Variants in AGRN observed in about 807,000 individuals in gnomAD.
The protein encoded by AGRN is agrin proteoglycan.
A neutral mutation model predicts 211.0 loss-of-function variants in AGRN; 106 were observed. That is an observed-to-expected ratio of 0.50 (90% CI 0.43 to 0.59). The LOEUF is 0.59. Ranked by LOEUF, AGRN falls within the 20% of genes least tolerant of loss-of-function variation. The probability of loss-of-function intolerance (pLI) is 0.00; values close to 1 mark genes in which losing one functional copy is unlikely to be tolerated. For synonymous variants in AGRN, 1,525 were observed against 1,332.5 expected, an observed-to-expected ratio of 1.14 and a Z score of -3.15; for missense variants, 3,040 against 2,982.6, an observed-to-expected ratio of 1.02 and a Z score of -0.45.
chr1:1,043,595 T>C lies in AGRN; in HGVS notation c.1661T>C (p.Val554Ala), dbSNP rs1184357124. 1.2e-6 allele frequency: 2 copies of C among 1,604,978 alleles called. No homozygotes were observed. The highest frequency in any genetic ancestry group is 2.7e-5 in the African/African-American group (2 of 75,020). Residue 554 changes from valine (V) to alanine (A), a missense_variant, in exon 9 of 36, where the codon GTG becomes GCG. Transcript: ENST00000379370. ...ALCEAETGRCVCPSECVALAQ... is the reference protein window; with the variant it reads ...ALCEAETGRCACPSECVALAQ... Reference sequence around the variant, plus strand: ...TGCGAGGCCGAGACCGGGCGCTGCGTGTGCCCCTCTGAATGCGTGGCTTTG... The same window carrying C: ...TGCGAGGCCGAGACCGGGCGCTGCGCGTGCCCCTCTGAATGCGTGGCTTTG...
In AGRN at chr1:1,043,341, G is replaced by A. The variant is rs1279499543; in HGVS notation, c.1487G>A (p.Ser496Asn). Residue 496 changes from serine (S) to asparagine (N), a missense_variant, in exon 8 of 36, where the codon AGC (serine) becomes AAC (asparagine). By Grantham distance (46) the Ser-to-Asn change is conservative. Transcript: ENST00000379370. ...TGTGAATGCCTGCAGGCGTGCTCGAGCCTCTACGATCCTGTGTGCGGCAGC... is the reference window on the plus strand; with the variant it reads ...TGTGAATGCCTGCAGGCGTGCTCGAACCTCTACGATCCTGTGTGCGGCAGC... ...AACECLQACS[S>N]LYDPVCGSDG... is the part of the protein sequence containing the mutation. The A allele has an allele frequency of 6.2e-6, 10 of 1,610,484 alleles. No homozygotes were observed. The highest frequency in any genetic ancestry group is 7.6e-6 in the Non-Finnish European group (9 of 1,179,154).
In AGRN at chr1:1,050,501, C is replaced by T. The variant is rs779378422; in HGVS notation, c.5051C>T (p.Thr1684Met). 32 of 1,612,792 alleles carry T rather than the reference C, an allele frequency of 2.0e-5. No homozygotes were observed. The highest frequency in any genetic ancestry group is 1.1e-4 in the African/African-American group (8 of 74,882). Reference sequence around the variant, plus strand: ...CTCCTGCTCTACAACGGGCAGAAGACGGACGGCAAGGGGGACTTCGTGTCG... The same window carrying T: ...CTCCTGCTCTACAACGGGCAGAAGATGGACGGCAAGGGGGACTTCGTGTCG... ...SGLLLYNGQK[T>M]DGKGDFVSLA... Residue 1684 changes from threonine (T) to methionine (M), a missense_variant, in exon 29 of 36, where the codon ACG becomes ATG. Coordinates refer to ENST00000379370, the MANE Select transcript of AGRN (RefSeq NM_198576.4).
rs564635058 is a variant in AGRN at position 1,048,185 on chromosome 1, C to T, written c.3925C>T (p.Arg1309Trp). ...GACCACGGCAGCCCCCACCACACGTCGGCCCCCCACCACTGCCCCCAGCCG... is the reference window on the plus strand; with the variant it reads ...GACCACGGCAGCCCCCACCACACGTTGGCCCCCCACCACTGCCCCCAGCCG... ...AKTTAAPTTR[R>W]PPTTAPSRVP... The change falls in exon 23 of 36, where the codon CGG becomes TGG. Residue 1309 changes from arginine to tryptophan, a missense_variant. By Grantham distance (101) the Arg-to-Trp change is moderately radical (BLOSUM62 -3). This residue lies in a region of AGRN where 1,537 missense variants were observed against 1,505.0 expected (regional missense o/e 1.02). Coordinates refer to ENST00000379370, the MANE Select transcript of AGRN (RefSeq NM_198576.4). This position sits in a 1 kb window ranked among gnomAD's most constrained non-coding sequence, Gnocchi z 5.9. 5.4e-5 allele frequency: 85 copies of T among 1,569,744 alleles called. No homozygotes were observed. The South Asian group carries it at 7.8e-4, about 14-fold the overall frequency.
intron 3 of AGRN, among the ~76,000 whole-genome samples, chr1:1,040,102 C>T (rs941024718): frequency 6.6e-6 from 1 of 152,210 alleles, no homozygotes; most frequent in Non-Finnish European, 1.5e-5. Context: ...GGCTCTCAGG[C>T]CCCTGAGGGC....
chr1:1,030,397 T>C (rs909224723), intron 2 of AGRN, among the ~76,000 whole-genome samples: 110 of 42,624 alleles, frequency 2.6e-3, no homozygotes, highest in East Asian at 0.015. Context: ...GTGTGTGCAG[T>C]GCATGGTGCT....
At chr1:1,026,907 A>C (rs1644532377) in intron 2 of AGRN, among the ~76,000 whole-genome samples, 1 of 152,206 alleles carries the variant, frequency 6.6e-6, no homozygotes, top group Admixed American at 6.5e-5. Flanking sequence ...TGGGAGCTGC[A>C]CTGGGGCTCA....
intron 7 of AGRN, 117 bp downstream of exon 7, chr1:1,042,279 G>C (rs1442568822): frequency 7.8e-7 from 1 of 1,276,546 alleles, no homozygotes; most frequent in Admixed American, 2.3e-5. Context: ...GGAGTGGGCC[G>C]GTCCCTCTGG....
At chr1:1,035,415 G>A in intron 3 of AGRN, 91 bp downstream of exon 3, 9 of 1,522,484 alleles carry the variant, frequency 5.9e-6, no homozygotes, top group Admixed American at 1.7e-5. Context: ...GACGTGTGGA[G>A]TGTGTCTGGA....
intron 7 of AGRN, 40 bp from the exon 8 acceptor site, chr1:1,043,199 G>A (rs375081195): frequency 1.9e-6 from 3 of 1,552,968 alleles, no homozygotes; most frequent in Admixed American, 2.0e-5. Flanking sequence ...GCAGCGGAGG[G>A]GGGGCTTGTG....
intron 2 of AGRN, 157 bp from the exon 3 acceptor site, chr1:1,035,120 T>G: frequency 6.3e-6 from 5 of 792,346 alleles, no homozygotes; most frequent in Non-Finnish European, 1.0e-5. Flanking sequence ...AGCCAGCCCA[T>G]GGGGTCAGGG....
rs1263522331 is a variant in AGRN, at chr1:1,043,943, G to A, written c.1919G>A (p.Gly640Asp). 22 of 1,607,502 alleles carry A rather than the reference G, an allele frequency of 1.4e-5. No individual in the cohort carries two copies. Among genetic ancestry groups the A allele is most frequent in the Non-Finnish European group, 1.9e-5 (22 of 1,179,148 alleles). Residue 640 changes from glycine (G) to aspartate (D), a missense_variant, in exon 10 of 36, where the codon GGC becomes GAC. Physicochemically the swap from Gly to Asp is moderately conservative, Grantham distance 94. Coordinates refer to ENST00000379370, the MANE Select transcript of AGRN (RefSeq NM_198576.4). Reference protein sequence around the residue: ...PVCGSDGVTYGSACELREAAC... With the variant: ...PVCGSDGVTYDSACELREAAC... Reference sequence around the variant, plus strand: ...TGTGGCAGCGACGGTGTCACCTACGGCAGTGCCTGCGAGCTACGGGAAGCC... The same window carrying A: ...TGTGGCAGCGACGGTGTCACCTACGACAGTGCCTGCGAGCTACGGGAAGCC...
In AGRN at chr1:1,046,468, C is replaced by T. The variant is rs1282455005; in HGVS notation, c.2983C>T (p.Gln995Ter). Residue 995 changes from glutamine to a stop codon, truncating the protein, a stop_gained, in exon 18 of 36, where the codon CAG becomes TAG. Transcript: ENST00000379370. LOFTEE classifies it high-confidence loss of function. ...GACCACCCCAGGGCTCCTCCTGAGC[C>T]AGGCACTGCCGGCCCCCCCCGGCGC... ...TVTTPGLLLS[Q>*]ALPAPPGALP... 1 of 1,612,138 alleles carries T rather than the reference C, an allele frequency of 6.2e-7. No homozygotes were observed. The highest frequency in any genetic ancestry group is 8.5e-7 in the Non-Finnish European group (1 of 1,179,666).
At chr1:1,022,047 C>A (rs1644417496) in intron 1 of AGRN, among the ~76,000 whole-genome samples, 154 bp from the exon 2 acceptor site, 1 of 152,256 alleles carries the variant, frequency 6.6e-6, no homozygotes, top group Admixed American at 6.5e-5. Flanking sequence ...GGGCTTCCCC[C>A]AGCTTCCGCC....
At chr1:1,030,953 T>TGA (rs1644658363) in intron 2 of AGRN, among the ~76,000 whole-genome samples, 1 of 105,484 alleles carries the variant, frequency 9.5e-6, no homozygotes, top group South Asian at 3.8e-4. Context: ...TGCATGGTGC[T>TGA]GTGTGAGATC....
intron 2 of AGRN, among the ~76,000 whole-genome samples, chr1:1,028,297 C>T (rs566952503): frequency 4.2e-4 from 62 of 148,808 alleles, no homozygotes; most frequent in African/African-American, 1.4e-3. Context: ...CCCTGCTGGC[C>T]GTTCTCTCTC....
At chr1:1,035,363 G>A in intron 3 of AGRN, 39 bp downstream of exon 3, 1 of 1,610,430 alleles carries the variant, frequency 6.2e-7, no homozygotes, top group Non-Finnish European at 8.5e-7. Flanking sequence ...GATGGGCTGT[G>A]GCACTCTTGG....
intron 7 of AGRN, among the ~76,000 whole-genome samples, chr1:1,042,897 A>G (rs911159890): frequency 2.0e-5 from 3 of 151,492 alleles, no homozygotes; most frequent in African/African-American, 7.3e-5. Context: ...GCCCCCCCAC[A>G]TGCATGGGTG....
chr1:1,041,364 G>C lies in AGRN; in HGVS notation c.919G>C (p.Glu307Gln). 2.6e-6 allele frequency: 4 copies of C among 1,538,362 alleles called. No individual in the cohort carries two copies. The South Asian group carries it at 4.7e-5, about 18-fold the overall frequency. ...CCTGCGCCGCGCCTGCGCCCGCCAGGAGAATGTCTTCAAGAAGTTCGACGG... is the reference window on the plus strand; with the variant it reads ...CCTGCGCCGCGCCTGCGCCCGCCAGCAGAATGTCTTCAAGAAGTTCGACGG... ...QLLRRACARQENVFKKFDGPC... is the reference protein window; with the variant it reads ...QLLRRACARQQNVFKKFDGPC... Residue 307 changes from glutamate (E) to glutamine (Q), a missense_variant, in exon 5 of 36, where the codon GAG becomes CAG. By Grantham distance (29) the Glu-to-Gln change is conservative. Transcript: ENST00000379370.
rs2100657779 is a variant in AGRN at position 1,046,215 on chromosome 1, C to T, written c.2861C>T (p.Ala954Val). ...YGNECQLKTI[A>V]CRQGLQISIQ... ...AACGAGTGTCAGCTGAAGACCATCG[C>T]CTGCCGCCAGGGCCTGCAAATCTCT... The change falls in exon 17 of 36, where the codon GCC becomes GTC. Residue 954 changes from alanine to valine, a missense_variant. Around this residue, in one of 3 missense-constraint regions of AGRN, gnomAD observed 1,498 missense variants for 1,457.8 expected, o/e 1.03. Coordinates refer to ENST00000379370, the MANE Select transcript of AGRN (RefSeq NM_198576.4). 1.2e-6 allele frequency: 2 copies of T among 1,613,682 alleles called. No individual in the cohort carries two copies. Among genetic ancestry groups the T allele is most frequent in the Non-Finnish European group, 8.5e-7 (1 of 1,179,992 alleles).
Sources: gnomAD v4.1 joint callset for allele counts (sites outside exome capture counted in the v4.1 genomes callset) on GRCh38, gnomAD v4.1.1 for gene constraint, gnomAD v4.1.1 regional missense constraint, Gnocchi (gnomAD v3.1) non-coding constraint, MANE v1.5 for transcripts, NCBI Gene and HGNC (gene_info 2026-07-23, HGNC 2026-07-21) for gene names.